Variants in COL25A1 observed in about 807,000 individuals in gnomAD.
COL25A1 encodes collagen type XXV alpha 1 chain, also known as collagen alpha-1(XXV) chain.
In COL25A1, 103 loss-of-function variants were observed where a neutral mutation model predicts 128.4. The ratio of observed to expected loss-of-function variants is 0.80; its 90% CI spans 0.68 to 0.94. The LOEUF (loss-of-function observed/expected upper bound fraction) is 0.94, where lower values mean the gene tolerates loss of function less well. Ranked by LOEUF, COL25A1 falls within the 40% of genes least tolerant of loss-of-function variation. COL25A1 has a pLI of 0.00. For synonymous variants in COL25A1, 279 were observed against 277.2 expected (o/e 1.01, Z -0.06); for missense variants, 745 against 840.0 (o/e 0.89, Z 1.40).
At chr4:109,218,222 G>GC (rs1212134595) in intron 3 of COL25A1, among the ~76,000 whole-genome samples, 1 of 152,008 alleles carries the variant, frequency 6.6e-6, no homozygotes, top group African/African-American at 2.4e-5. Flanking sequence ...AATATGGTTT[G>GC]TTATGTTTGA....
At chr4:109,136,484 TGGGA>T (rs1769780710) in intron 3 of COL25A1, among the ~76,000 whole-genome samples, 1 of 152,208 alleles carries the variant, frequency 6.6e-6, no homozygotes, top group Admixed American at 6.5e-5. Flanking sequence ...TGTGGAAAAT[TGGGA>T]GGGATTAGTC....
At chr4:108,889,659 C>CTTGCTGATT in intron 17 of COL25A1, 42 bp downstream of exon 17, 1 of 1,586,746 alleles carries the variant, frequency 6.3e-7, no homozygotes, top group East Asian at 2.2e-5. Flanking sequence ...AAAATCAGAA[C>CTTGCTGATT]TGTAACTCCT....
At chr4:108,895,628 C>T (rs1199688020) in intron 16 of COL25A1, among the ~76,000 whole-genome samples, 2 of 152,054 alleles carry the variant, frequency 1.3e-5, no homozygotes, top group Non-Finnish European at 2.9e-5. Flanking sequence ...GACAAAATAC[C>T]CAGATTTAGT....
At chr4:109,006,619 TAC>T in intron 6 of COL25A1, among the ~76,000 whole-genome samples, 1 of 152,160 alleles carries the variant, frequency 6.6e-6, no homozygotes, top group East Asian at 1.9e-4. Flanking sequence ...AGATTTAATG[TAC>T]AGTTTATGCA....
chr4:108,942,300 G>T, intron 8 of COL25A1: 3 of 1,541,674 alleles, frequency 1.9e-6, no homozygotes, highest in African/African-American at 2.7e-5. Flanking sequence ...AAAACAACAC[G>T]ACATAAAACG....
intron 11 of COL25A1, 51 bp from the exon 12 acceptor site, chr4:108,920,655 T>C: frequency 7.0e-7 from 1 of 1,419,282 alleles, no homozygotes; most frequent in South Asian, 1.2e-5. Context: ...CATTTAAGCT[T>C]AGATGACCAA....
At chr4:109,243,692 T>C (rs879637274) in intron 3 of COL25A1, among the ~76,000 whole-genome samples, 3 of 152,008 alleles carry the variant, frequency 2.0e-5, no homozygotes, top group Non-Finnish European at 2.9e-5. Flanking sequence ...TAAATTCCAA[T>C]ATGAATAATG....
chr4:108,925,191 CAAAAT>C (rs765842455), intron 11 of COL25A1, among the ~76,000 whole-genome samples: 3 of 152,078 alleles, frequency 2.0e-5, no homozygotes, highest in Non-Finnish European at 1.5e-5. Flanking sequence ...GCACTCAAAA[CAAAAT>C]AAGATAAAAA....
At chr4:109,263,822 T>C (rs374109204) in intron 3 of COL25A1, among the ~76,000 whole-genome samples, 22 of 152,292 alleles carry the variant, frequency 1.4e-4, no homozygotes, top group African/African-American at 3.6e-4. Context: ...ACATAAAAGA[T>C]ACTGTGCTCA....
intron 3 of COL25A1, among the ~76,000 whole-genome samples, chr4:109,164,486 T>C (rs1263959227): frequency 6.6e-6 from 1 of 152,182 alleles, no homozygotes; most frequent in Non-Finnish European, 1.5e-5. Flanking sequence ...GTTGGTTGAC[T>C]GGTTGGTTGG....
intron 6 of COL25A1, among the ~76,000 whole-genome samples, chr4:108,981,886 T>C (rs911261261): frequency 1.3e-5 from 2 of 152,210 alleles, no homozygotes; most frequent in Non-Finnish European, 2.9e-5. Flanking sequence ...ATTTTTCAGA[T>C]ACTTGACTTG....
At chr4:109,242,709 TA>T (rs562686929) in intron 3 of COL25A1, among the ~76,000 whole-genome samples, 140 of 152,254 alleles carry the variant, frequency 9.2e-4, no homozygotes, top group African/African-American at 3.0e-3. Flanking sequence ...AAAGTTTTTT[TA>T]ATTCTTTTAT....
chr4:109,169,027 A>ACCC (rs1773331333), intron 3 of COL25A1, among the ~76,000 whole-genome samples: 1 of 152,042 alleles, frequency 6.6e-6, no homozygotes. Flanking sequence ...AAATCTGATA[A>ACCC]TGTCCTCTTG....
chr4:108,894,244 G>T (rs1353432612), intron 16 of COL25A1, among the ~76,000 whole-genome samples: 2 of 152,102 alleles, frequency 1.3e-5, no homozygotes, highest in African/African-American at 4.8e-5. Flanking sequence ...TTTACAATAT[G>T]ATTGAAGAAA....
intron 3 of COL25A1, among the ~76,000 whole-genome samples, chr4:109,245,906 C>G (rs1780224455): frequency 6.6e-6 from 1 of 151,118 alleles, no homozygotes; most frequent in African/African-American, 2.4e-5. Context: ...GTTAGGCCGG[C>G]TGATGGAAGA....
At chr4:109,063,641 C>T (rs925047995) in intron 3 of COL25A1, among the ~76,000 whole-genome samples, 1 of 152,102 alleles carries the variant, frequency 6.6e-6, no homozygotes, top group Non-Finnish European at 1.5e-5. Context: ...CAGTTCAAGA[C>T]CAGCCTGGGC....
Position 109,211,285 on chromosome 4 carries a change from TG to T in COL25A1, c.367+89297del, listed in dbSNP as rs1443496051. Among the ~76,000 whole-genome samples the T allele has an allele frequency of 3.1e-3, 334 of 106,458 alleles. 5 individuals are homozygous for T. In the South Asian group the frequency reaches 0.064, roughly 20 times the overall value. 69.8% of individuals were successfully genotyped at this position (106,458 alleles called of 152,430 possible). ...GTATATATATGAAACTATATATATA[TG>T]AAACTATATATATATATATATATAT... On this transcript the variant is annotated intron_variant, in intron 3 of 37. Transcript: ENST00000399132.
intron 3 of COL25A1, among the ~76,000 whole-genome samples, chr4:109,110,995 T>C (rs1766947753): frequency 6.6e-6 from 1 of 152,190 alleles, no homozygotes; most frequent in African/African-American, 2.4e-5. Context: ...TGACAACATT[T>C]ACCCTTCAAG....
At chr4:108,827,809 C>G (rs752792003) in intron 32 of COL25A1, among the ~76,000 whole-genome samples, 1 of 152,190 alleles carries the variant, frequency 6.6e-6, no homozygotes, top group Non-Finnish European at 1.5e-5. Flanking sequence ...GCTTGAACTA[C>G]AGTGTGTGGC....
Sources: allele counts gnomAD v4.1 joint callset (sites outside exome capture counted in the v4.1 genomes callset), GRCh38; gene constraint gnomAD v4.1.1; transcripts MANE v1.5; gene names NCBI Gene and HGNC (gene_info 2026-07-23, HGNC 2026-07-21).